Variants in SORBS2 observed in about 807,000 individuals in gnomAD.
SORBS2 encodes the protein sorbin and SH3 domain containing 2, also known as sorbin and SH3 domain-containing protein 2.
Under a neutral mutation model 97.7 loss-of-function variants are expected in SORBS2, and 46 were observed. The observed-to-expected ratio is 0.47, with a 90% confidence interval of 0.37 to 0.60. The LOEUF is 0.60. Ranked by LOEUF, SORBS2 falls within the 20% of genes least tolerant of loss-of-function variation. The pLI, the probability that SORBS2 is intolerant of heterozygous loss-of-function variation, is 0.00. For missense variants in SORBS2, 1,316 were observed against 1,282.3 expected (o/e 1.03, Z -0.40); for synonymous variants, 476 against 473.4 (o/e 1.01, Z -0.07).
chr4:185,904,444 G>T (rs2099249541), intron 1 of SORBS2, among the ~76,000 whole-genome samples: 1 of 152,140 alleles, frequency 6.6e-6, no homozygotes, highest in Admixed American at 6.5e-5. Flanking sequence ...TTCAGGCTTT[G>T]GACTGTGGAG....
chr4:185,849,055 G>T (rs1420848993), intron 1 of SORBS2, among the ~76,000 whole-genome samples: 2 of 152,094 alleles, frequency 1.3e-5, no homozygotes, highest in Admixed American at 6.6e-5. Context: ...GTTTATTTTG[G>T]ACAATGCCCA....
Position 185,678,461 on chromosome 4 carries a change from C to T in SORBS2, c.-84G>A, listed in dbSNP as rs775275072. 25 of 1,550,646 alleles carry T rather than the reference C, an allele frequency of 1.6e-5. 1 individual carries two copies. Among genetic ancestry groups the T allele is most frequent in the East Asian group, 7.3e-5 (3 of 40,842 alleles). On this transcript the variant is annotated 5_prime_UTR_variant, in exon 4 of 21. Transcript: ENST00000284776. ...CTTTTATCTTGTAGGTTTGGTCGAA[C>T]GCTTCTAAAACCTTTTGCTGCAAGA...
chr4:185,703,259 T>C (rs1166447161), intron 2 of SORBS2, among the ~76,000 whole-genome samples: 2 of 152,180 alleles, frequency 1.3e-5, no homozygotes, highest in African/African-American at 4.8e-5. Context: ...AGACAGAACT[T>C]CAGTCCATCA....
chr4:185,738,398 G>A (rs1286187495), intron 2 of SORBS2, among the ~76,000 whole-genome samples: 1 of 152,142 alleles, frequency 6.6e-6, no homozygotes, highest in Non-Finnish European at 1.5e-5. Flanking sequence ...TCATAAAGCC[G>A]ATCCCAGCCC....
chr4:185,847,175 A>T (rs1032112955), intron 1 of SORBS2, among the ~76,000 whole-genome samples: 1 of 152,222 alleles, frequency 6.6e-6, no homozygotes, highest in Non-Finnish European at 1.5e-5. Context: ...TTCCCATCAT[A>T]ATGTAAGTCT....
chr4:185,760,542 A>G (rs1020206517), intron 2 of SORBS2, among the ~76,000 whole-genome samples: 1 of 152,162 alleles, frequency 6.6e-6, no homozygotes, highest in African/African-American at 2.4e-5. Flanking sequence ...CAGCCTGGGC[A>G]ACAAGAGTGA....
exon 15 of SORBS2, chr4:185,587,032 C>G (rs899898324): frequency 5.9e-5 from 9 of 152,648 alleles, no homozygotes; most frequent in Non-Finnish European, 1.5e-5. Flanking sequence ...AATTAACTCG[C>G]CTCCTCTTGC....
chr4:185,872,882 A>G (rs1165007708), intron 1 of SORBS2, among the ~76,000 whole-genome samples: 1 of 152,074 alleles, frequency 6.6e-6, no homozygotes, highest in Non-Finnish European at 1.5e-5. Flanking sequence ...GCTGTGACTG[A>G]TCTCACCTTC....
chr4:185,592,554 TTTTGTTTG>T (rs961046188), intron 13 of SORBS2, among the ~76,000 whole-genome samples: 1 of 152,052 alleles, frequency 6.6e-6, no homozygotes, highest in Non-Finnish European at 1.5e-5. Flanking sequence ...TAAGCGATCT[TTTTGTTTG>T]TTTGTTTGTT....
intron 1 of SORBS2, among the ~76,000 whole-genome samples, chr4:185,820,218 A>G (rs964516404): frequency 2.6e-5 from 4 of 152,194 alleles, no homozygotes; most frequent in Non-Finnish European, 1.5e-5. Flanking sequence ...CGTGGGCTTC[A>G]GCAAAGGAGA....
At chr4:185,902,154 C>T (rs1234697692) in intron 1 of SORBS2, among the ~76,000 whole-genome samples, 1 of 152,160 alleles carries the variant, frequency 6.6e-6, no homozygotes, top group Non-Finnish European at 1.5e-5. Flanking sequence ...ATCCATTCTT[C>T]AAAATCTGGG....
At chr4:185,690,942 C>T (rs1354821894) in intron 2 of SORBS2, among the ~76,000 whole-genome samples, 1 of 151,480 alleles carries the variant, frequency 6.6e-6, no homozygotes, top group African/African-American at 2.4e-5. Context: ...CACTGTCGCC[C>T]AGGCCACAGT....
intron 4 of SORBS2, among the ~76,000 whole-genome samples, chr4:185,670,653 G>A (rs2153486566): frequency 6.6e-6 from 1 of 151,320 alleles, no homozygotes; most frequent in African/African-American, 2.4e-5. Context: ...AAAAGTGCTG[G>A]GATTACAGGC....
rs374623738 is a variant in SORBS2 at position 185,624,519 on chromosome 4, G to C, written c.635-25C>G. The stretch of plus-strand genomic sequence containing the variant: ...CCTTTTAATCCAGAGCAGCGTGGTA[G>C]AAGAGAGACATTTGGAGAAGTTAAA... On this transcript the variant is annotated intron_variant, in intron 6 of 14. Coordinates refer to ENST00000418609, the Ensembl canonical transcript of SORBS2. The C allele has an allele frequency of 9.4e-5, 147 of 1,568,342 alleles. No homozygotes were observed. The Middle Eastern group carries it at 3.7e-3, about 40-fold the overall frequency.
At chr4:185,867,146 G>A (rs1561249400) in intron 1 of SORBS2, among the ~76,000 whole-genome samples, 1 of 151,988 alleles carries the variant, frequency 6.6e-6, no homozygotes, top group Admixed American at 6.6e-5. Flanking sequence ...TGAGTAGCTG[G>A]GATTATAGGC....
chr4:185,651,719 C>T lies in SORBS2; in HGVS notation c.91+943G>A, dbSNP rs578110499. ...CAAACAGAAGGGGAAAAAAGGTGAC[C>T]GTGTCGTTCTTCCAAACATTGCTGA... On this transcript the variant is annotated intron_variant, in intron 2 of 14. Transcript: ENST00000418609. The T allele has an allele frequency of 6.3e-5, 55 of 877,730 alleles. 1 individual carries two copies. Among genetic ancestry groups the T allele is most frequent in the African/African-American group, 4.6e-4 (28 of 60,364 alleles). 54.4% of individuals were successfully genotyped at this position (877,730 alleles called of 1,614,324 possible).
intron 2 of SORBS2, among the ~76,000 whole-genome samples, chr4:185,650,643 C>T (rs147006408): frequency 5.3e-5 from 8 of 152,294 alleles, no homozygotes; most frequent in African/African-American, 1.4e-4. Context: ...TGTACCCGTT[C>T]GCTTCTCCTG....
At chr4:185,630,890 C>T (rs2096895667) in intron 4 of SORBS2, among the ~76,000 whole-genome samples, 1 of 152,106 alleles carries the variant, frequency 6.6e-6, no homozygotes, top group Non-Finnish European at 1.5e-5. Context: ...TTCTCAGGGA[C>T]ACTGAAATAA....
At chr4:185,886,579 GA>G (rs375147493) in intron 1 of SORBS2, among the ~76,000 whole-genome samples, 43 of 127,916 alleles carry the variant, frequency 3.4e-4, no homozygotes, top group East Asian at 1.1e-3. Context: ...AAAAAGAAAA[GA>G]AAAAAAAAAG....
Sources: allele counts gnomAD v4.1 joint callset (sites outside exome capture counted in the v4.1 genomes callset), GRCh38; gene constraint gnomAD v4.1.1; transcripts MANE v1.5; gene names NCBI Gene and HGNC (gene_info 2026-07-23, HGNC 2026-07-21).